The following ZNF385D variants were observed in gnomAD, a reference collection of about 807,000 sequenced individuals.
The protein encoded by ZNF385D is zinc finger protein 659.
Under a neutral mutation model 35.8 loss-of-function variants are expected in ZNF385D, and 15 were observed. The ratio of observed to expected loss-of-function variants is 0.42; its 90% CI spans 0.28 to 0.64. The LOEUF (loss-of-function observed/expected upper bound fraction) is 0.64. Ranked by LOEUF, ZNF385D falls within the 30% of genes least tolerant of loss-of-function variation. The pLI is 0.23. For synonymous variants in ZNF385D, 212 were observed against 186.8 expected, an observed-to-expected ratio of 1.13 and a Z score of -1.10; for missense variants, 474 against 494.6, an observed-to-expected ratio of 0.96 and a Z score of 0.39.
At chr3:22,142,980 C>A (rs1465832312) in intron 3 of ZNF385D, among the ~76,000 whole-genome samples, 1 of 151,278 alleles carries the variant, frequency 6.6e-6, no homozygotes, top group Non-Finnish European at 1.5e-5. Context: ...TTGAATGAGT[C>A]ATTTGTTTCC....
chr3:21,520,892 A>G (rs1245644847), intron 3 of ZNF385D, among the ~76,000 whole-genome samples: 6 of 152,186 alleles, frequency 3.9e-5, no homozygotes, highest in Non-Finnish European at 7.3e-5. Context: ...TTTATGCTCT[A>G]AAACCAATAC....
At chr3:22,013,628 A>C (rs781256288) in intron 3 of ZNF385D, among the ~76,000 whole-genome samples, 58 of 152,250 alleles carry the variant, frequency 3.8e-4, no homozygotes, top group Non-Finnish European at 1.3e-4. Context: ...ATTAGGTAGA[A>C]ACTTAATTAA....
intron 3 of ZNF385D, among the ~76,000 whole-genome samples, chr3:21,790,834 C>T (rs867856886): frequency 4.6e-5 from 7 of 152,092 alleles, no homozygotes; most frequent in South Asian, 2.1e-4. Flanking sequence ...TTTGTTTCTT[C>T]GTAAAGATTG....
chr3:22,268,509 G>A (rs1233796537), intron 2 of ZNF385D, among the ~76,000 whole-genome samples: 1 of 151,980 alleles, frequency 6.6e-6, no homozygotes, highest in East Asian at 1.9e-4. Context: ...GAGGGTCACT[G>A]CCACAACTAC....
chr3:22,319,377 ATATAT>A (rs1362673908), intron 2 of ZNF385D, among the ~76,000 whole-genome samples: 1 of 151,748 alleles, frequency 6.6e-6, no homozygotes, highest in Non-Finnish European at 1.5e-5. Flanking sequence ...TAACTATTTA[ATATAT>A]TAAATTATAT....
At chr3:21,820,073 AAT>A (rs2073337217) in intron 3 of ZNF385D, among the ~76,000 whole-genome samples, 1 of 151,528 alleles carries the variant, frequency 6.6e-6, no homozygotes, top group African/African-American at 2.4e-5. Context: ...ATGTGAATAA[AAT>A]ATTGAATATA....
intron 3 of ZNF385D, among the ~76,000 whole-genome samples, chr3:21,874,824 T>C (rs1697879234): frequency 6.6e-6 from 1 of 152,088 alleles, no homozygotes; most frequent in Admixed American, 6.6e-5. Flanking sequence ...TTGGGAAGTG[T>C]GGACATTTTA....
chr3:21,501,138 C>G (rs1283205223), intron 4 of ZNF385D, among the ~76,000 whole-genome samples: 2 of 152,170 alleles, frequency 1.3e-5, no homozygotes, highest in African/African-American at 4.8e-5. Flanking sequence ...ACCGCTTCCT[C>G]CAGCCTCTAT....
chr3:21,425,138 G>C (rs1451059585), intron 6 of ZNF385D, among the ~76,000 whole-genome samples: 1 of 152,128 alleles, frequency 6.6e-6, no homozygotes, highest in Non-Finnish European at 1.5e-5. Flanking sequence ...ACTGCAAGTT[G>C]ATCTTTAAAG....
intron 3 of ZNF385D, among the ~76,000 whole-genome samples, chr3:21,976,350 A>G (rs1000585577): frequency 1.3e-5 from 2 of 152,242 alleles, no homozygotes; most frequent in African/African-American, 4.8e-5. Context: ...AATATAAAAT[A>G]GTTTTGATTA....
chr3:21,748,811 C>T (rs2069910965), intron 1 of ZNF385D, among the ~76,000 whole-genome samples: 1 of 152,194 alleles, frequency 6.6e-6, no homozygotes, highest in Non-Finnish European at 1.5e-5. Context: ...TGCGTACATA[C>T]ATACATATAT....
chr3:22,210,338 G>T (rs1697439531), intron 2 of ZNF385D, among the ~76,000 whole-genome samples: 1 of 151,756 alleles, frequency 6.6e-6, no homozygotes, highest in Non-Finnish European at 1.5e-5. Flanking sequence ...AATTTGAATG[G>T]TGGTTCTATA....
intron 3 of ZNF385D, among the ~76,000 whole-genome samples, chr3:21,902,585 T>C (rs1052884781): frequency 2.0e-5 from 3 of 152,056 alleles, no homozygotes; most frequent in African/African-American, 7.2e-5. Flanking sequence ...TCTCCAGGAG[T>C]AGAAATTAAT....
At chr3:22,339,641 T>A (rs909327621) in intron 2 of ZNF385D, among the ~76,000 whole-genome samples, 4 of 152,210 alleles carry the variant, frequency 2.6e-5, no homozygotes, top group African/African-American at 7.2e-5. Context: ...GAAAGGCGAT[T>A]ATCCTTGCTA....
intron 2 of ZNF385D, among the ~76,000 whole-genome samples, chr3:22,179,898 C>G (rs1410003369): frequency 6.6e-6 from 1 of 152,090 alleles, no homozygotes; most frequent in East Asian, 1.9e-4. Flanking sequence ...AGAGCAAACA[C>G]ATTCAAAAGC....
chr3:21,627,246 G>GGTGGGTGTGT (rs1553626099), intron 2 of ZNF385D, among the ~76,000 whole-genome samples: 1 of 139,424 alleles, frequency 7.2e-6, no homozygotes, highest in African/African-American at 2.8e-5. Context: ...AGAGGTGTAG[G>GGTGGGTGTGT]GTGTGTGTGT....
Position 21,416,888 on chromosome 3 carries a change from C to G in ZNF385D, c.*4326G>C, listed in dbSNP as rs534602071. On this transcript the variant is annotated 3_prime_UTR_variant, in exon 8 of 8. Transcript: ENST00000281523. ...AGGATGATGCATTTAAATTGTTGTT[C>G]CCTTCCACACCCCCACTGCCAGCTG... is the stretch of plus-strand genomic sequence containing the variant. The G allele has an allele frequency of 1.5e-4, 23 of 152,034 alleles. No individual in the cohort carries two copies. The highest frequency in any genetic ancestry group is 1.3e-3 in the Admixed American group (20 of 15,242). The allele number at this position is 152,034 out of a possible 1,614,324, so 9.4% of individuals were successfully genotyped here.
intron 3 of ZNF385D, among the ~76,000 whole-genome samples, chr3:21,907,876 G>C (rs1293807110): frequency 6.6e-6 from 1 of 152,046 alleles, no homozygotes; most frequent in African/African-American, 2.4e-5. Context: ...TGGAGACTGA[G>C]GGAAGCCAAG....
chr3:21,559,069 ACAT>A (rs1419649770), intron 3 of ZNF385D, among the ~76,000 whole-genome samples: 1 of 149,736 alleles, frequency 6.7e-6, no homozygotes, highest in African/African-American at 2.5e-5. Flanking sequence ...GTGTTTTTAC[ACAT>A]GAGAGTCTCC....
Sources: gnomAD v4.1 joint callset for allele counts (sites outside exome capture counted in the v4.1 genomes callset) on GRCh38, gnomAD v4.1.1 for gene constraint, MANE v1.5 for transcripts, NCBI Gene and HGNC (gene_info 2026-07-23, HGNC 2026-07-21) for gene names.